Variants in SBNO1 observed in about 807,000 individuals in gnomAD.
SBNO1 encodes the protein strawberry notch homolog 1.
A neutral mutation model predicts 173.6 loss-of-function variants in SBNO1; 23 were observed. That is an observed-to-expected ratio of 0.13 (90% CI 0.10 to 0.19). SBNO1 has a LOEUF of 0.19. SBNO1 is among the 10% of genes least tolerant of loss of function. The pLI, the probability that SBNO1 is intolerant of heterozygous loss-of-function variation, is 1.00. For missense variants in SBNO1, 1,238 were observed against 1,671.2 expected (o/e 0.74, Z 4.52); for synonymous variants, 632 against 571.5 (o/e 1.11, Z -1.51).
At chr12:123,341,479 C>T (rs1335072953) in intron 4 of SBNO1, among the ~76,000 whole-genome samples, 3 of 152,214 alleles carry the variant, frequency 2.0e-5, no homozygotes, top group African/African-American at 2.4e-5. Flanking sequence ...CAGAAGTTTA[C>T]ATATTTCAAA....
At chr12:123,322,248 T>C (rs951253962) in intron 16 of SBNO1, among the ~76,000 whole-genome samples, 4 of 151,970 alleles carry the variant, frequency 2.6e-5, no homozygotes, top group African/African-American at 9.7e-5. Context: ...TCCTCCCACC[T>C]CAGCCTCCCA....
intron 20 of SBNO1, among the ~76,000 whole-genome samples, chr12:123,318,267 T>C (rs12317103): frequency 0.11 from 17,052 of 152,124 alleles, 1,093 homozygotes; most frequent in East Asian, 0.29. Context: ...TGACGAAACC[T>C]TGTCTCTACT....
At chr12:123,323,444 T>A (rs1001104219) in intron 16 of SBNO1, among the ~76,000 whole-genome samples, 1 of 152,168 alleles carries the variant, frequency 6.6e-6, no homozygotes, top group Non-Finnish European at 1.5e-5. Flanking sequence ...AAGCTCTGCC[T>A]CCTGGGTTCA....
At chr12:123,353,050 G>A (rs1011950774) in intron 1 of SBNO1, among the ~76,000 whole-genome samples, 2 of 152,100 alleles carry the variant, frequency 1.3e-5, no homozygotes, top group East Asian at 1.9e-4. Context: ...CGTCCGCCTC[G>A]GCTTCCCAAA....
intron 4 of SBNO1, among the ~76,000 whole-genome samples, chr12:123,344,185 G>A (rs1032599236): frequency 7.2e-5 from 11 of 152,134 alleles, no homozygotes; most frequent in African/African-American, 2.4e-4. Context: ...ACCAACTGTC[G>A]ACCATCCCCA....
At chr12:123,335,844 T>C (rs1004100166) in intron 6 of SBNO1, among the ~76,000 whole-genome samples, 13 of 152,208 alleles carry the variant, frequency 8.5e-5, no homozygotes, top group South Asian at 2.1e-4. Context: ...CTTCTAAAAT[T>C]CATTGTAGGT....
chr12:123,297,798 CAAT>C (rs1288804831), intron 31 of SBNO1, among the ~76,000 whole-genome samples, 177 bp downstream of exon 31: 2 of 152,142 alleles, frequency 1.3e-5, no homozygotes, highest in African/African-American at 4.8e-5. Flanking sequence ...CCAGAACCAA[CAAT>C]GTCTGTTTGA....
intron 29 of SBNO1, among the ~76,000 whole-genome samples, chr12:123,304,292 T>C (rs531553200): frequency 1.4e-4 from 21 of 152,266 alleles, no homozygotes; most frequent in African/African-American, 4.8e-4. Context: ...TGGAGAGCAA[T>C]AGCGTGATCT....
intron 1 of SBNO1, chr12:123,364,326 G>T (rs1283970828): frequency 1.0e-6 from 1 of 984,702 alleles, no homozygotes; most frequent in African/African-American, 1.8e-5. Context: ...CGCAGCCCCC[G>T]GGTTGTGAGG....
At chr12:123,335,368 G>C (rs1871713174) in intron 6 of SBNO1, among the ~76,000 whole-genome samples, 1 of 152,198 alleles carries the variant, frequency 6.6e-6, no homozygotes, top group Admixed American at 6.5e-5. Context: ...GAATCCAGGA[G>C]GGATCCTGGG....
chr12:123,360,386 C>A (rs753112854), intron 1 of SBNO1, among the ~76,000 whole-genome samples: 1 of 152,244 alleles, frequency 6.6e-6, no homozygotes, highest in South Asian at 2.1e-4. Flanking sequence ...AGTCACAAAT[C>A]GAAGCTCAAT....
chr12:123,345,537 T>A lies in SBNO1; in HGVS notation c.271A>T (p.Asn91Tyr), dbSNP rs1485607795. ...AAGGGTGGAAGATGATTTATTTGAT[T>A]CAGCACAAATGTTGTAGTAGATGGA... ...QPPSTTTFVL[N>Y]QINHLPPLGS... The change falls in exon 4 of 32, where the codon AAT becomes TAT. Residue 91 changes from asparagine (N) to tyrosine (Y), a missense_variant. This residue lies in a region of SBNO1 where 287 missense variants were observed against 274.1 expected (regional missense o/e 1.05). Transcript: ENST00000602398. 1 of 1,614,028 alleles carries A rather than the reference T, an allele frequency of 6.2e-7. No homozygotes were observed. The highest frequency in any genetic ancestry group is 1.3e-5 in the African/African-American group (1 of 74,914).
At chr12:123,297,737 G>A (rs2048657142) in intron 31 of SBNO1, among the ~76,000 whole-genome samples, 1 of 152,112 alleles carries the variant, frequency 6.6e-6, no homozygotes, top group African/African-American at 2.4e-5. Flanking sequence ...GAGAAGGAGA[G>A]CAAGAGCAGC....
rs542883357 is a variant in SBNO1, at chr12:123,293,400, T to C, written c.*2508A>G. 6.6e-6 allele frequency: 1 copy of C among 152,316 alleles called. No individual in the cohort carries two copies. Among genetic ancestry groups the C allele is most frequent in the East Asian group, 1.9e-4 (1 of 5,188 alleles). The allele number at this position is 152,316 out of a possible 1,614,324, so 9.4% of individuals were successfully genotyped here. ...TTTAACAGAAGAGGACCTTGAATGCTGAAGCTTCACAGGGCGGCCAAACTA... is the reference window on the plus strand; with the variant it reads ...TTTAACAGAAGAGGACCTTGAATGCCGAAGCTTCACAGGGCGGCCAAACTA... On this transcript the variant is annotated 3_prime_UTR_variant, in exon 32 of 32. Coordinates refer to ENST00000602398, the MANE Select transcript of SBNO1 (RefSeq NM_001167856.3).
intron 21 of SBNO1, 25 bp from the exon 22 acceptor site, chr12:123,315,685 A>G (rs1782562820): frequency 7.5e-7 from 1 of 1,330,282 alleles, no homozygotes; most frequent in African/African-American, 1.4e-5. Context: ...TGTTTTAAAG[A>G]TCATTGATTG....
At chr12:123,296,095 CCA>C (rs1566017858) in intron 31 of SBNO1, 45 bp from the exon 32 acceptor site, 1 of 1,262,376 alleles carries the variant, frequency 7.9e-7, no homozygotes, top group Non-Finnish European at 1.2e-6. Context: ...CCAGAAGAAA[CCA>C]CACTGTACAG....
intron 7 of SBNO1, among the ~76,000 whole-genome samples, chr12:123,333,609 A>T (rs1162007914): frequency 6.6e-6 from 1 of 151,594 alleles, no homozygotes; most frequent in African/African-American, 2.4e-5. Flanking sequence ...TGATTCCCCT[A>T]CCTCAGCTTC....
At chr12:123,330,647 A>G (rs202069797) in intron 8 of SBNO1, 138 bp from the exon 9 acceptor site, 3 of 44 alleles carry the variant, frequency 0.068, no homozygotes, top group Admixed American at 0.25. Context: ...TCATTAAAAC[A>G]CCATCCCACT....
intron 28 of SBNO1, among the ~76,000 whole-genome samples, chr12:123,305,928 C>T (rs1030980212): frequency 4.6e-5 from 7 of 152,074 alleles, no homozygotes; most frequent in Admixed American, 2.6e-4. Context: ...TGGAGCAAAA[C>T]GGAAGGAAAA....
Sources: allele counts gnomAD v4.1 joint callset (sites outside exome capture counted in the v4.1 genomes callset), GRCh38; gene constraint gnomAD v4.1.1; regional missense constraint gnomAD v4.1.1; transcripts MANE v1.5; gene names NCBI Gene and HGNC (gene_info 2026-07-23, HGNC 2026-07-21).